The following NCAM1 variants were observed in gnomAD, a reference collection of about 807,000 sequenced individuals.
The protein encoded by NCAM1 is antigen recognized by monoclonal antibody 5.1H11.
A neutral mutation model predicts 109.8 loss-of-function variants in NCAM1; 14 were observed. That is an observed-to-expected ratio of 0.13 (90% CI 0.08 to 0.20). The LOEUF (loss-of-function observed/expected upper bound fraction) is 0.20, where lower values mean the gene tolerates loss of function less well. NCAM1 is among the 10% of genes least tolerant of loss of function. The probability of loss-of-function intolerance (pLI) is 1.00; values close to 1 mark genes in which losing one functional copy is unlikely to be tolerated. For synonymous variants in NCAM1, 418 were observed against 442.9 expected, an observed-to-expected ratio of 0.94 and a Z score of 0.70; for missense variants, 774 against 1,109.9, an observed-to-expected ratio of 0.70 and a Z score of 4.30.
At chr11:113,045,222 G>C (rs1555080598) in intron 1 of NCAM1, among the ~76,000 whole-genome samples, 2 of 152,144 alleles carry the variant, frequency 1.3e-5, no homozygotes, top group Non-Finnish European at 2.9e-5. Context: ...AAACTTGCTG[G>C]GTTTGTTTCC....
chr11:113,148,776 A>G (rs555223290), intron 1 of NCAM1, among the ~76,000 whole-genome samples: 2 of 152,328 alleles, frequency 1.3e-5, no homozygotes, highest in South Asian at 4.1e-4. Flanking sequence ...CTTTGTTTAC[A>G]GTGAAGACTC....
chr11:113,102,034 C>T (rs1456293697), intron 1 of NCAM1, among the ~76,000 whole-genome samples: 1 of 152,050 alleles, frequency 6.6e-6, no homozygotes, highest in Admixed American at 6.5e-5. Flanking sequence ...GGGTTAATAC[C>T]TGATTAACAA....
intron 17 of NCAM1, chr11:113,262,717 C>A: frequency 9.8e-7 from 1 of 1,023,528 alleles, no homozygotes; most frequent in Non-Finnish European, 1.4e-6. Context: ...CCCTTTCCTT[C>A]TGTCCCCCTC....
At chr11:112,968,254 TTGA>T (rs1311539838) in intron 1 of NCAM1, among the ~76,000 whole-genome samples, 1 of 152,234 alleles carries the variant, frequency 6.6e-6, no homozygotes, top group Non-Finnish European at 1.5e-5. Flanking sequence ...CTGAGCTGAT[TTGA>T]TATTTGTCAC....
At chr11:113,166,314 G>A (rs1555105278) in intron 1 of NCAM1, among the ~76,000 whole-genome samples, 1 of 152,180 alleles carries the variant, frequency 6.6e-6, no homozygotes, top group Non-Finnish European at 1.5e-5. Flanking sequence ...ATCTGTGAAA[G>A]GGATTTGCAG....
chr11:113,219,515 A>G (rs906737365), intron 8 of NCAM1, among the ~76,000 whole-genome samples: 2 of 152,278 alleles, frequency 1.3e-5, no homozygotes, highest in Non-Finnish European at 2.9e-5. Flanking sequence ...ATTACTAATC[A>G]CACTCTGATT....
chr11:113,058,211 G>A lies in NCAM1; in HGVS notation c.52+96547G>A, dbSNP rs147819717. On this transcript the variant is annotated intron_variant, in intron 1 of 19. Coordinates refer to ENST00000316851, the MANE Select transcript of NCAM1 (RefSeq NM_181351.5). ...ACGCAGGAGAATCACTTGAATCTGG[G>A]AGGTGGAGGTTGCAGTGAGCCGAGA... Among the ~76,000 whole-genome samples, 654 of 149,530 alleles carry A rather than the reference G, an allele frequency of 4.4e-3. 5 individuals are homozygous for A. Among genetic ancestry groups the A allele is most frequent in the African/African-American group, 0.015 (626 of 40,482 alleles).
intron 1 of NCAM1, among the ~76,000 whole-genome samples, chr11:113,106,735 T>A (rs1199028462): frequency 6.6e-6 from 1 of 152,216 alleles, no homozygotes; most frequent in Non-Finnish European, 1.5e-5. Flanking sequence ...AGCAGTTGTT[T>A]GTGGCAGGAG....
chr11:113,166,266 G>A (rs1942794131), intron 1 of NCAM1, among the ~76,000 whole-genome samples: 1 of 152,168 alleles, frequency 6.6e-6, no homozygotes. Flanking sequence ...TCTCAACCAT[G>A]GTCCTAGCTG....
At chr11:113,206,509 G>A (rs188808887) in intron 5 of NCAM1, among the ~76,000 whole-genome samples, 17 of 152,002 alleles carry the variant, frequency 1.1e-4, no homozygotes, top group African/African-American at 2.2e-4. Context: ...AAGTTATTCC[G>A]CTGCTTAAAT....
intron 1 of NCAM1, among the ~76,000 whole-genome samples, chr11:113,047,923 C>T (rs573867221): frequency 6.6e-6 from 1 of 152,246 alleles, no homozygotes; most frequent in East Asian, 1.9e-4. Flanking sequence ...ATGGTAGCTA[C>T]AATTGAAGAT....
chr11:113,068,154 A>G (rs1191957790), intron 1 of NCAM1, among the ~76,000 whole-genome samples: 2 of 151,886 alleles, frequency 1.3e-5, no homozygotes, highest in South Asian at 2.1e-4. Context: ...CTCGTGATCC[A>G]CCCGCCTTGG....
intron 1 of NCAM1, among the ~76,000 whole-genome samples, chr11:113,019,388 T>C (rs1163904537): frequency 2.0e-5 from 3 of 152,210 alleles, no homozygotes; most frequent in African/African-American, 7.2e-5. Context: ...GTGCTAACAT[T>C]TGCCTGATTT....
intron 14 of NCAM1, among the ~76,000 whole-genome samples, chr11:113,236,093 T>C (rs543125245): frequency 6.6e-6 from 1 of 152,228 alleles, no homozygotes. Flanking sequence ...CCACTGCCCT[T>C]ACCTCTTCCC....
chr11:113,264,517 T>C, intron 17 of NCAM1: 1 of 985,616 alleles, frequency 1.0e-6, no homozygotes, highest in African/African-American at 1.7e-5. Context: ...GGCATGGTTT[T>C]TGGGCACAGG....
intron 9 of NCAM1, 47 bp downstream of exon 9, chr11:113,221,372 A>T (rs1555115285): frequency 1.3e-6 from 2 of 1,544,934 alleles, no homozygotes; most frequent in East Asian, 4.8e-5. Context: ...TGAAAGCATT[A>T]CAGTTTAACT....
At chr11:113,243,625 G>A in intron 14 of NCAM1, 1 of 518,322 alleles carries the variant, frequency 1.9e-6, no homozygotes, top group Non-Finnish European at 3.9e-6. Flanking sequence ...AGTAAGATGT[G>A]TGTGGAGGAC....
At chr11:113,056,815 A>G (rs1435462597) in intron 1 of NCAM1, among the ~76,000 whole-genome samples, 3 of 152,154 alleles carry the variant, frequency 2.0e-5, no homozygotes, top group Non-Finnish European at 2.9e-5. Context: ...CACAGTAACT[A>G]TAATACATTT....
intron 1 of NCAM1, among the ~76,000 whole-genome samples, chr11:112,975,874 C>T (rs1555067620): frequency 2.6e-5 from 4 of 151,912 alleles, no homozygotes; most frequent in African/African-American, 9.7e-5. Context: ...CCAAGTTAGA[C>T]ATATGCATTA....
Sources: gnomAD v4.1 joint callset for allele counts (sites outside exome capture counted in the v4.1 genomes callset) on GRCh38, gnomAD v4.1.1 for gene constraint, MANE v1.5 for transcripts, NCBI Gene and HGNC (gene_info 2026-07-23, HGNC 2026-07-21) for gene names.